The following AGBL4 variants were observed in gnomAD, a reference collection of about 807,000 sequenced individuals.
AGBL4 encodes the protein AGBL carboxypeptidase 4.
A neutral mutation model predicts 66.4 loss-of-function variants in AGBL4; 58 were observed. The ratio of observed to expected loss-of-function variants is 0.87; its 90% CI spans 0.71 to 1.09. The LOEUF is 1.09. AGBL4 is among the 50% of genes least tolerant of loss of function. The pLI, the probability that AGBL4 is intolerant of heterozygous loss-of-function variation, is 0.00. For missense variants in AGBL4, 579 were observed against 631.0 expected (o/e 0.92, Z 0.88); for synonymous variants, 234 against 222.9 (o/e 1.05, Z -0.44).
At chr1:48,757,394 G>T (rs374909374) in intron 6 of AGBL4, among the ~76,000 whole-genome samples, 1 of 152,128 alleles carries the variant, frequency 6.6e-6, no homozygotes, top group Admixed American at 6.5e-5. Context: ...ACTAACTTTT[G>T]AAGTTGCAAA....
intron 5 of AGBL4, among the ~76,000 whole-genome samples, chr1:49,031,063 A>G (rs1421040866): frequency 6.6e-6 from 1 of 152,096 alleles, no homozygotes; most frequent in Non-Finnish European, 1.5e-5. Context: ...TGTATTACAT[A>G]TTTCAAATTG....
At chr1:49,922,638 C>T (rs1332184176) in intron 1 of AGBL4, among the ~76,000 whole-genome samples, 1 of 152,118 alleles carries the variant, frequency 6.6e-6, no homozygotes, top group Non-Finnish European at 1.5e-5. Context: ...AATCAATGTG[C>T]AGAAATTGCT....
chr1:49,152,442 C>T (rs1476417079), intron 4 of AGBL4, among the ~76,000 whole-genome samples: 1 of 152,158 alleles, frequency 6.6e-6, no homozygotes, highest in Admixed American at 6.5e-5. Context: ...TCCAGTCTCG[C>T]CCACCAAGTT....
intron 4 of AGBL4, among the ~76,000 whole-genome samples, chr1:49,200,850 G>T (rs1349012806): frequency 6.6e-6 from 1 of 152,130 alleles, no homozygotes; most frequent in Non-Finnish European, 1.5e-5. Flanking sequence ...AGCCATTGGT[G>T]CTCAGCTTAA....
intron 4 of AGBL4, among the ~76,000 whole-genome samples, chr1:49,221,941 C>CT (rs1649527982): frequency 6.6e-6 from 1 of 152,064 alleles, no homozygotes; most frequent in Admixed American, 6.6e-5. Flanking sequence ...GCATAGCATT[C>CT]TTTTTTACCA....
At chr1:48,679,884 G>A (rs896272919) in intron 6 of AGBL4, among the ~76,000 whole-genome samples, 2 of 152,216 alleles carry the variant, frequency 1.3e-5, no homozygotes, top group South Asian at 2.1e-4. Context: ...GCCAGAGGCC[G>A]CCGTGTGTCC....
At chr1:48,731,951 A>G (rs1203307333) in intron 6 of AGBL4, among the ~76,000 whole-genome samples, 1 of 152,156 alleles carries the variant, frequency 6.6e-6, no homozygotes, top group Non-Finnish European at 1.5e-5. Flanking sequence ...AAGCTGCCAG[A>G]GTAATGGAGG....
intron 8 of AGBL4, among the ~76,000 whole-genome samples, chr1:48,636,855 C>T (rs1645675783): frequency 6.6e-6 from 1 of 152,182 alleles, no homozygotes; most frequent in Admixed American, 6.5e-5. Context: ...TAAGCAAGCT[C>T]TCTGCTTTTG....
At chr1:49,411,827 A>G (rs966137747) in intron 3 of AGBL4, among the ~76,000 whole-genome samples, 9 of 152,184 alleles carry the variant, frequency 5.9e-5, no homozygotes, top group African/African-American at 1.7e-4. Flanking sequence ...TGGAAGGCAG[A>G]CTAGAGGGGA....
chr1:49,409,149 G>GCTCT lies in AGBL4; in HGVS notation c.283-163289_283-163286dup, dbSNP rs373757168. Among the ~76,000 whole-genome samples the GCTCT allele has an allele frequency of 6.5e-3, 953 of 146,054 alleles. 8 individuals carry two copies. The highest frequency in any genetic ancestry group is 0.021 in the African/African-American group (833 of 39,484). The stretch of plus-strand genomic sequence containing the variant: ...TCTCCATCAAACCCCACTCTCTCTG[G>GCTCT]CTCTCTCTCTCTCTCTCTCTCTCAT... On this transcript the variant is annotated intron_variant, in intron 3 of 13. Coordinates refer to ENST00000371839, the MANE Select transcript of AGBL4 (RefSeq NM_032785.4).
intron 9 of AGBL4, among the ~76,000 whole-genome samples, chr1:48,594,343 T>A (rs319962): frequency 0.37 from 55,993 of 151,654 alleles, 10,672 homozygotes; most frequent in African/African-American, 0.42. Context: ...AATAAATAAA[T>A]AATAAAATAA....
chr1:49,620,695 C>T (rs996033411), intron 3 of AGBL4, among the ~76,000 whole-genome samples: 1 of 152,134 alleles, frequency 6.6e-6, no homozygotes, highest in Admixed American at 6.5e-5. Flanking sequence ...TCGTAACTAC[C>T]TATCACACAG....
intron 1 of AGBL4, among the ~76,000 whole-genome samples, chr1:49,928,950 T>C (rs911305804): frequency 6.6e-6 from 1 of 151,460 alleles, no homozygotes; most frequent in Non-Finnish European, 1.5e-5. Flanking sequence ...AAAAAGAAAA[T>C]ATGGTACATA....
At chr1:48,611,269 G>A (rs1438765114) in intron 9 of AGBL4, among the ~76,000 whole-genome samples, 3 of 152,194 alleles carry the variant, frequency 2.0e-5, no homozygotes, top group Non-Finnish European at 4.4e-5. Flanking sequence ...GTATTTTCCT[G>A]TCAGATGGCC....
chr1:49,132,003 T>C (rs1485367144), intron 4 of AGBL4, among the ~76,000 whole-genome samples: 1 of 151,976 alleles, frequency 6.6e-6, no homozygotes, highest in East Asian at 1.9e-4. Context: ...TTAATGACAA[T>C]GGAGTAGATG....
intron 3 of AGBL4, among the ~76,000 whole-genome samples, chr1:49,471,202 A>G (rs898861044): frequency 3.3e-5 from 5 of 152,010 alleles, no homozygotes; most frequent in Non-Finnish European, 7.4e-5. Flanking sequence ...CTTTTATGAA[A>G]CAAAAGCAAT....
intron 3 of AGBL4, among the ~76,000 whole-genome samples, chr1:49,336,949 A>G (rs1228697298): frequency 6.6e-6 from 1 of 152,204 alleles, no homozygotes; most frequent in East Asian, 1.9e-4. Flanking sequence ...ATCATTTACA[A>G]TTAAGTAGGT....
chr1:49,614,499 G>T (rs754581610), intron 3 of AGBL4, among the ~76,000 whole-genome samples: 4 of 152,012 alleles, frequency 2.6e-5, no homozygotes, highest in Non-Finnish European at 5.9e-5. Flanking sequence ...TATGAAAAAA[G>T]TACCAGTAAA....
In AGBL4 at chr1:49,636,011, C is replaced by A. The variant is rs1274167026; in HGVS notation, c.282+61302G>T. Among the ~76,000 whole-genome samples the A allele has an allele frequency of 5.9e-5, 9 of 152,274 alleles. No homozygotes were observed. The East Asian group carries it at 1.7e-3, about 29-fold the overall frequency. ...AGGCCTCAAACATGAAGCTCATTTTCCCCACAGGACATTTGCTGGGTTCTA... is the reference window on the plus strand; with the variant it reads ...AGGCCTCAAACATGAAGCTCATTTTACCCACAGGACATTTGCTGGGTTCTA... On this transcript the variant is annotated intron_variant, in intron 3 of 13. Coordinates refer to ENST00000371839, the MANE Select transcript of AGBL4 (RefSeq NM_032785.4).
Sources: gnomAD v4.1 joint callset for allele counts (sites outside exome capture counted in the v4.1 genomes callset) on GRCh38, gnomAD v4.1.1 for gene constraint, MANE v1.5 for transcripts, NCBI Gene and HGNC (gene_info 2026-07-23, HGNC 2026-07-21) for gene names.